Variants in PLEKHG1 observed in about 807,000 individuals in gnomAD.
PLEKHG1 encodes the protein pleckstrin homology domain-containing family G member 1.
Under a neutral mutation model 100.8 loss-of-function variants are expected in PLEKHG1, and 44 were observed. The ratio of observed to expected loss-of-function variants is 0.44; its 90% confidence interval spans 0.34 to 0.56. The LOEUF is 0.56. PLEKHG1 is among the 20% of genes least tolerant of loss of function. The probability of loss-of-function intolerance (pLI) is 0.01; values close to 1 mark genes in which losing one functional copy is unlikely to be tolerated. For synonymous variants in PLEKHG1, 640 were observed against 662.5 expected (o/e 0.97, Z 0.52); for missense variants, 1,545 against 1,720.9 (o/e 0.90, Z 1.81).
rs139069069 is a variant in PLEKHG1 at position 150,722,349 on chromosome 6, CTTTTTTTTTTT to C, written c.-99+1161_-99+1171del. 5.5e-5 allele frequency among the ~76,000 whole-genome samples: 5 copies of C among 90,678 alleles called. No individual in the cohort carries two copies. In the East Asian group the frequency reaches 1.5e-3, roughly 28 times the overall value. The allele number at this position is 90,678 out of a possible 152,430, so 59.5% of individuals were successfully genotyped here. On this transcript the variant is annotated intron_variant, in intron 1 of 15. Coordinates refer to ENST00000358517, the Ensembl canonical transcript of PLEKHG1. Reference sequence around the variant, plus strand: ...TCCTTTTCTTTTTTCTTTTTCTTTTCTTTTTTTTTTTTTTTTTTTTTTGAGACTGAGTCTCG... The same window carrying C: ...TCCTTTTCTTTTTTCTTTTTCTTTTCTTTTTTTTTTTGAGACTGAGTCTCG...
chr6:150,707,919 C>T (rs1781089230), intron 3 of PLEKHG1, among the ~76,000 whole-genome samples: 1 of 152,124 alleles, frequency 6.6e-6, no homozygotes, highest in South Asian at 2.1e-4. Flanking sequence ...CTCCCCTTTC[C>T]TCTGCCTGAC....
chr6:150,604,881 A>G (rs1776523642), intron 1 of PLEKHG1, among the ~76,000 whole-genome samples: 1 of 152,070 alleles, frequency 6.6e-6, no homozygotes, highest in Non-Finnish European at 1.5e-5. Context: ...TGAGGCCCAA[A>G]CCTCTGAGCA....
At chr6:150,755,749 C>T (rs1783801830) in intron 2 of PLEKHG1, among the ~76,000 whole-genome samples, 1 of 152,186 alleles carries the variant, frequency 6.6e-6, no homozygotes, top group Admixed American at 6.5e-5. Context: ...TCCCACCTCG[C>T]TACATCGGGA....
chr6:150,629,325 T>G (rs1298268439), intron 1 of PLEKHG1, among the ~76,000 whole-genome samples: 2 of 152,160 alleles, frequency 1.3e-5, no homozygotes, highest in Non-Finnish European at 2.9e-5. Context: ...ACCTAAAGCC[T>G]CAACACTAGA....
chr6:150,680,326 G>A (rs1477869947), intron 3 of PLEKHG1, among the ~76,000 whole-genome samples: 1 of 152,170 alleles, frequency 6.6e-6, no homozygotes, highest in Non-Finnish European at 1.5e-5. Flanking sequence ...AGGTGGAAAG[G>A]ATGGCTCTGA....
intron 1 of PLEKHG1, among the ~76,000 whole-genome samples, chr6:150,628,702 A>G (rs1777617872): frequency 6.6e-6 from 1 of 152,190 alleles, no homozygotes; most frequent in South Asian, 2.1e-4. Context: ...TGCCCGTACT[A>G]TTAATGATGT....
At chr6:150,641,030 A>G (rs939164538) in intron 2 of PLEKHG1, among the ~76,000 whole-genome samples, 13 of 152,140 alleles carry the variant, frequency 8.5e-5, no homozygotes, top group Non-Finnish European at 1.9e-4. Context: ...GCTCTAGCTT[A>G]TCTGTGCACT....
chr6:150,667,448 G>C (rs1298971149), intron 3 of PLEKHG1, among the ~76,000 whole-genome samples: 1 of 152,118 alleles, frequency 6.6e-6, no homozygotes, highest in Non-Finnish European at 1.5e-5. Context: ...GTCTTAATAT[G>C]ACACTAAAAT....
intron 6 of PLEKHG1, among the ~76,000 whole-genome samples, chr6:150,801,970 T>C (rs11155752): frequency 0.14 from 20,803 of 152,036 alleles, 2,880 homozygotes; most frequent in African/African-American, 0.35. Context: ...TAAGCTATTG[T>C]TTTTTATTAT....
intron 3 of PLEKHG1, among the ~76,000 whole-genome samples, chr6:150,693,489 C>A (rs557423189): frequency 6.6e-6 from 1 of 152,184 alleles, no homozygotes; most frequent in Non-Finnish European, 1.5e-5. Flanking sequence ...TCAAATTGCC[C>A]TTGGAATAAT....
At chr6:150,828,110 C>A in intron 14 of PLEKHG1, 1 of 1,613,218 alleles carries the variant, frequency 6.2e-7, no homozygotes, top group Non-Finnish European at 8.5e-7. Flanking sequence ...TTATCAAAGC[C>A]ATTTCAACAA....
At chr6:150,614,341 G>A (rs1776972898) in intron 1 of PLEKHG1, among the ~76,000 whole-genome samples, 1 of 152,136 alleles carries the variant, frequency 6.6e-6, no homozygotes. Flanking sequence ...TCACAGAGTT[G>A]GATGGACTCT....
chr6:150,629,225 C>T (rs1777641439), intron 1 of PLEKHG1, among the ~76,000 whole-genome samples: 1 of 152,128 alleles, frequency 6.6e-6, no homozygotes, highest in Non-Finnish European at 1.5e-5. Flanking sequence ...CTGTCAAGGC[C>T]TCGAAGGGAC....
intron 1 of PLEKHG1, among the ~76,000 whole-genome samples, chr6:150,601,584 A>G (rs1776360336): frequency 6.6e-6 from 1 of 152,156 alleles, no homozygotes; most frequent in Non-Finnish European, 1.5e-5. Context: ...TTTTTGTCTC[A>G]TTTGAGGTCC....
chr6:150,631,145 G>C (rs1156236294), intron 1 of PLEKHG1, among the ~76,000 whole-genome samples: 1 of 152,182 alleles, frequency 6.6e-6, no homozygotes, highest in African/African-American at 2.4e-5. Flanking sequence ...AAGCTCACTT[G>C]TGGAGCAGAG....
At chr6:150,702,557 G>GGTGTGT (rs56768740) in intron 3 of PLEKHG1, among the ~76,000 whole-genome samples, 68,449 of 142,672 alleles carry the variant, frequency 0.48, 18,285 homozygotes, top group Middle Eastern at 0.68. Flanking sequence ...TTTGTTTTGG[G>GGTGTGT]GTGTGTGTGT....
chr6:150,689,859 A>T (rs1780278940), intron 3 of PLEKHG1, among the ~76,000 whole-genome samples: 1 of 151,018 alleles, frequency 6.6e-6, no homozygotes, highest in African/African-American at 2.4e-5. Context: ...CTGTCTCAAA[A>T]AAAAAAAAAA....
chr6:150,700,807 A>G (rs944303011), intron 3 of PLEKHG1, among the ~76,000 whole-genome samples: 42 of 152,160 alleles, frequency 2.8e-4, no homozygotes, highest in African/African-American at 1.0e-3. Flanking sequence ...GAGAGTTGTG[A>G]GGAATTAGTC....
chr6:150,771,449 G>T (rs1330051466), intron 3 of PLEKHG1, among the ~76,000 whole-genome samples: 1 of 152,164 alleles, frequency 6.6e-6, no homozygotes, highest in Non-Finnish European at 1.5e-5. Context: ...ATGAACGAAC[G>T]AACGAGTTGG....
Sources: gnomAD v4.1 joint callset for allele counts (sites outside exome capture counted in the v4.1 genomes callset) on GRCh38, gnomAD v4.1.1 for gene constraint, MANE v1.5 for transcripts, NCBI Gene and HGNC (gene_info 2026-07-23, HGNC 2026-07-21) for gene names.